PCED1B: variants seen among roughly 807,000 people sequenced by gnomAD.
PCED1B encodes the protein PC-esterase domain-containing protein 1B.
For synonymous variants in PCED1B, 251 were observed against 246.1 expected (o/e 1.02, Z -0.19); for missense variants, 573 against 573.9 (o/e 1.00, Z 0.02).
At position 47,201,923 on chromosome 12, in the gene PCED1B, G is replaced by T. The variant is rs576744317; in HGVS notation, c.-525-14299G>T. 3.3e-5 allele frequency among the ~76,000 whole-genome samples: 5 copies of T among 152,260 alleles called. No individual in the cohort carries two copies. The East Asian group carries it at 9.7e-4, about 29-fold the overall frequency. On this transcript the variant is annotated intron_variant, in intron 2 of 3. Coordinates refer to ENST00000546455, the MANE Select transcript of PCED1B (RefSeq NM_138371.3). Reference sequence around the variant, plus strand: ...CCTGGAAGCAAATATTTTTAAGTTTGTCTTTGAGGAGTGGTATGTGTAAAC... The same window carrying T: ...CCTGGAAGCAAATATTTTTAAGTTTTTCTTTGAGGAGTGGTATGTGTAAAC...
chr12:47,091,417 A>G (rs1344509934), intron 1 of PCED1B, among the ~76,000 whole-genome samples: 2 of 151,864 alleles, frequency 1.3e-5, no homozygotes, highest in Non-Finnish European at 2.9e-5. Context: ...TACATTCTAG[A>G]TTTGTGTTTT....
intron 2 of PCED1B, among the ~76,000 whole-genome samples, chr12:47,192,765 A>C (rs1378729147): frequency 6.6e-6 from 1 of 152,198 alleles, no homozygotes; most frequent in East Asian, 1.9e-4. Flanking sequence ...TGTAACAGGC[A>C]CTGTGCTGAG....
rs973095849 is a variant in PCED1B at position 47,217,492 on chromosome 12, GA to G, written c.-58+806del. 2.3e-5 allele frequency among the ~76,000 whole-genome samples: 3 copies of G among 128,678 alleles called. No individual in the cohort carries two copies. In the East Asian group the frequency reaches 6.8e-4, roughly 29 times the overall value. 84.4% of individuals were successfully genotyped at this position (128,678 alleles called of 152,430 possible). On this transcript the variant is annotated intron_variant, in intron 3 of 3. Coordinates refer to ENST00000546455, the MANE Select transcript of PCED1B (RefSeq NM_138371.3). ...AAAGAGAAAGAAAGAAAGAAAGAAA[GA>G]AAGAAAGAAAGAAAGAAAGAAAGAA...
chr12:47,135,518 T>C, intron 2 of PCED1B: 1 of 501,676 alleles, frequency 2.0e-6, no homozygotes, highest in South Asian at 1.6e-5. Flanking sequence ...AGCACTGAGA[T>C]GATGATGAGC....
intron 1 of PCED1B, among the ~76,000 whole-genome samples, chr12:47,089,614 A>C (rs1938176664): frequency 6.6e-6 from 1 of 151,350 alleles, no homozygotes; most frequent in South Asian, 2.1e-4. Context: ...AAAGAAGAGT[A>C]ATTCATTTGA....
intron 2 of PCED1B, among the ~76,000 whole-genome samples, chr12:47,107,148 G>A (rs1938990180): frequency 6.6e-6 from 1 of 152,198 alleles, no homozygotes; most frequent in African/African-American, 2.4e-5. Context: ...GTGGGCGAGT[G>A]TCAACCTTGA....
chr12:47,220,788 G>C (rs1396256346), intron 3 of PCED1B, among the ~76,000 whole-genome samples: 1 of 152,180 alleles, frequency 6.6e-6, no homozygotes, highest in Non-Finnish European at 1.5e-5. Flanking sequence ...TTTCTATCTA[G>C]GAGAGTAGGG....
chr12:47,223,130 A>G (rs1029952670), intron 3 of PCED1B, among the ~76,000 whole-genome samples: 13 of 152,072 alleles, frequency 8.5e-5, no homozygotes, highest in African/African-American at 1.4e-4. Flanking sequence ...GAGAGAGAGA[A>G]AGACCAACAT....
rs146137735 is a variant in PCED1B, at chr12:47,136,070, C to A, written c.-526+31875C>A. 5.4e-3 allele frequency: 753 copies of A among 140,232 alleles called. 4 individuals are homozygous for A. The highest frequency in any genetic ancestry group is 9.0e-3 in the Non-Finnish European group (595 of 66,144). The allele number at this position is 140,232 out of a possible 1,614,324, so 8.7% of individuals were successfully genotyped here. ...TCCTCCATACTTTCACCAGTACTCACCATTCAATTTCTTTCTTTTTTTTTT... is the reference window on the plus strand; with the variant it reads ...TCCTCCATACTTTCACCAGTACTCAACATTCAATTTCTTTCTTTTTTTTTT... On this transcript the variant is annotated intron_variant, in intron 2 of 3. Transcript: ENST00000546455.
intron 1 of PCED1B, among the ~76,000 whole-genome samples, chr12:47,101,076 G>GA (rs68188164): frequency 2.7e-5 from 4 of 149,846 alleles, no homozygotes; most frequent in South Asian, 2.1e-4. Flanking sequence ...CTCAAAAAAA[G>GA]AAAAAAAAAA....
At chr12:47,196,489 A>G (rs1942605390) in intron 2 of PCED1B, among the ~76,000 whole-genome samples, 1 of 152,266 alleles carries the variant, frequency 6.6e-6, no homozygotes, top group Non-Finnish European at 1.5e-5. Flanking sequence ...TTAGCACAGT[A>G]GCAAAGGAAG....
chr12:47,221,391 T>C (rs214704), intron 3 of PCED1B, among the ~76,000 whole-genome samples: 110,561 of 147,002 alleles, frequency 0.75, 42,435 homozygotes, highest in African/African-American at 0.91. Flanking sequence ...GTTGTCCAGG[T>C]TGGTCTTGAA....
chr12:47,205,486 G>C (rs1035519777), intron 2 of PCED1B, among the ~76,000 whole-genome samples: 1 of 152,142 alleles, frequency 6.6e-6, no homozygotes, highest in East Asian at 1.9e-4. Flanking sequence ...AAGGTGGTTT[G>C]TTTTGGCAAA....
intron 1 of PCED1B, among the ~76,000 whole-genome samples, chr12:47,103,059 G>GTATC (rs979302234): frequency 6.6e-6 from 1 of 152,044 alleles, no homozygotes; most frequent in African/African-American, 2.4e-5. Flanking sequence ...ACTCGGTGGA[G>GTATC]TATCTAAATA....
At chr12:47,153,850 T>G (rs557787763) in intron 2 of PCED1B, among the ~76,000 whole-genome samples, 20 of 152,240 alleles carry the variant, frequency 1.3e-4, no homozygotes, top group Admixed American at 2.6e-4. Context: ...TCATTCAAGT[T>G]TGTTTCCATG....
At chr12:47,222,916 T>G (rs1943528263) in intron 3 of PCED1B, among the ~76,000 whole-genome samples, 2 of 152,104 alleles carry the variant, frequency 1.3e-5, no homozygotes, top group African/African-American at 4.8e-5. Flanking sequence ...TCTTAAGGGT[T>G]TGGGGTGCTA....
intron 2 of PCED1B, among the ~76,000 whole-genome samples, chr12:47,111,182 T>A (rs1215880588): frequency 6.6e-6 from 1 of 152,158 alleles, no homozygotes; most frequent in East Asian, 1.9e-4. Flanking sequence ...GACATAAAGA[T>A]CACAAAGCCA....
intron 2 of PCED1B, among the ~76,000 whole-genome samples, chr12:47,194,913 T>A (rs1204761328): frequency 6.6e-6 from 1 of 152,238 alleles, no homozygotes; most frequent in Non-Finnish European, 1.5e-5. Flanking sequence ...ATTATCTTCA[T>A]TTTGAGTATT....
chr12:47,165,610 A>G, intron 2 of PCED1B, among the ~76,000 whole-genome samples: 1 of 152,234 alleles, frequency 6.6e-6, no homozygotes, highest in East Asian at 1.9e-4. Context: ...AAATGTCTAT[A>G]TAGGCTTTTA....
Sources: gnomAD v4.1 joint callset for allele counts (sites outside exome capture counted in the v4.1 genomes callset) on GRCh38, gnomAD v4.1.1 for gene constraint, MANE v1.5 for transcripts, NCBI Gene and HGNC (gene_info 2026-07-23, HGNC 2026-07-21) for gene names.